VPS33A: variants seen among roughly 807,000 people sequenced by gnomAD.
VPS33A encodes vacuolar protein sorting-associated protein 33A.
VPS33A carries 32 observed loss-of-function variants against 71.8 expected under a neutral mutation model. The observed-to-expected ratio is 0.45, with a 90% CI of 0.34 to 0.60. VPS33A has a LOEUF of 0.60. Ranked by LOEUF, VPS33A falls within the 20% of genes least tolerant of loss-of-function variation. The pLI, the probability that VPS33A is intolerant of heterozygous loss-of-function variation, is 0.02. For missense variants in VPS33A, 625 were observed against 748.5 expected, an observed-to-expected ratio of 0.84 and a Z score of 1.92; for synonymous variants, 311 against 292.7, an observed-to-expected ratio of 1.06 and a Z score of -0.64.
rs565725789 is a variant in VPS33A at position 122,239,019 on chromosome 12, A to C, written c.1165-295T>G. Among the ~76,000 whole-genome samples, 420 of 138,156 alleles carry C rather than the reference A, an allele frequency of 3.0e-3. 2 individuals are homozygous for C. Among genetic ancestry groups the C allele is most frequent in the African/African-American group, 0.012 (392 of 32,824 alleles). The allele number at this position is 138,156 out of a possible 152,430, so 90.6% of individuals were successfully genotyped here. On this transcript the variant is annotated intron_variant, in intron 9 of 12. Coordinates refer to ENST00000267199, the MANE Select transcript of VPS33A (RefSeq NM_022916.6). ...CATACACACACACACACACACACACACACCCCCCAGTGATCAGGCCAAGTC... is the reference window on the plus strand; with the variant it reads ...CATACACACACACACACACACACACCCACCCCCCAGTGATCAGGCCAAGTC...
chr12:122,260,126 G>A (rs1440597681), intron 4 of VPS33A, among the ~76,000 whole-genome samples: 1 of 152,082 alleles, frequency 6.6e-6, no homozygotes. Context: ...GCTGAGGGAA[G>A]GAAAGATAGC....
At chr12:122,246,277 TC>T (rs1954774750) in intron 6 of VPS33A, among the ~76,000 whole-genome samples, 1 of 149,972 alleles carries the variant, frequency 6.7e-6, no homozygotes, top group South Asian at 2.1e-4. Context: ...GGAGGATCTC[TC>T]TCTCTCTCTT....
chr12:122,238,684 G>T lies in VPS33A; in HGVS notation c.1205C>A (p.Ser402Ter). The change falls in exon 10 of 13, where the codon TCG becomes TAG. Residue 402 changes from serine to a stop codon, truncating the protein, a stop_gained. Transcript: ENST00000267199. LOFTEE classifies it high-confidence loss of function. ...AACTAGTCTTAACACCTTGATCAAC[G>T]AGTGCTTTTGGGCGATACAATCCTC... Reference protein sequence around the residue: ...YIEDCIAQKHSLIKVLRLVCL... With the variant: ...YIEDCIAQKH The T allele has an allele frequency of 6.2e-7, 1 of 1,613,600 alleles. No homozygotes were observed. Among genetic ancestry groups the T allele is most frequent in the Non-Finnish European group, 8.5e-7 (1 of 1,179,944 alleles).
chr12:122,244,283 ATT>A (rs1165406692), intron 7 of VPS33A, among the ~76,000 whole-genome samples: 1 of 152,226 alleles, frequency 6.6e-6, no homozygotes, highest in Non-Finnish European at 1.5e-5. Flanking sequence ...GTAGGAAATA[ATT>A]TAAGACGATA....
rs57522920 is a variant in VPS33A at position 122,238,770 on chromosome 12, T to TACACACACACACACAC, written c.1165-62_1165-47dup. The TACACACACACACACAC allele has an allele frequency of 2.1e-4, 182 of 873,076 alleles. 1 individual carries two copies. In the African/African-American group the frequency reaches 2.5e-3, roughly 12 times the overall value. 54.1% of individuals were successfully genotyped at this position (873,076 alleles called of 1,614,324 possible). A position where few individuals can be genotyped will look rare whatever the true frequency, so the allele number is the denominator to read the frequency against. On this transcript the variant is annotated intron_variant, in intron 9 of 12. Transcript: ENST00000267199. ...ATATACATATACATTTACATATACA[T>TACACACACACACACAC]ACACACACACACACACACACACACA...
chr12:122,235,068 C>A (rs1223389464), intron 11 of VPS33A, among the ~76,000 whole-genome samples: 1 of 152,064 alleles, frequency 6.6e-6, no homozygotes, highest in Non-Finnish European at 1.5e-5. Flanking sequence ...CTGCAACCGC[C>A]TCCTGGGCTC....
chr12:122,234,916 C>T (rs987757395), intron 11 of VPS33A, among the ~76,000 whole-genome samples: 1 of 152,116 alleles, frequency 6.6e-6, no homozygotes, highest in African/African-American at 2.4e-5. Flanking sequence ...TCTAGAACAC[C>T]CCCCTCTCCT....
chr12:122,244,066 G>A (rs948373343), intron 7 of VPS33A, among the ~76,000 whole-genome samples: 1 of 152,090 alleles, frequency 6.6e-6, no homozygotes, highest in Admixed American at 6.6e-5. Context: ...ACTAGTGAAC[G>A]GGCAAGAGGA....
intron 2 of VPS33A, 148 bp downstream of exon 2, chr12:122,263,986 C>T (rs1296057655): frequency 1.4e-6 from 1 of 719,354 alleles, no homozygotes; most frequent in East Asian, 2.6e-5. Context: ...CCAATGGATA[C>T]AAAATGTTAA....
At chr12:122,249,613 C>T (rs1296334968) in intron 6 of VPS33A, 3 of 296,198 alleles carry the variant, frequency 1.0e-5, no homozygotes, top group African/African-American at 2.2e-5. Flanking sequence ...CTTATGCAAA[C>T]CTCACTGATC....
At chr12:122,265,743 A>G (rs1389867291) in intron 1 of VPS33A, 7 of 453,180 alleles carry the variant, frequency 1.5e-5, no homozygotes, top group African/African-American at 1.4e-4. Flanking sequence ...GATGAAGGAG[A>G]GGTGACACTG....
chr12:122,251,533 T>C (rs1954843518), intron 4 of VPS33A, among the ~76,000 whole-genome samples: 1 of 152,194 alleles, frequency 6.6e-6, no homozygotes, highest in South Asian at 2.1e-4. Flanking sequence ...GAATACTTTA[T>C]TGTTTTCAAA....
In VPS33A at chr12:122,232,387, A is replaced by G. The variant is rs760575057; in HGVS notation, c.1650T>C (p.Leu550=). ...GENRVTLIFF[L]GGVTFAEIAA... ...CAATTTCAGCGAAGGTTACGCCCCC[A>G]AGGAAAAATATCAGAGTCACTCGGT... Residue 550 remains leucine (L), a synonymous_variant, in exon 13 of 13, where the codon CTT becomes CTC. Transcript: ENST00000267199. 8.1e-6 allele frequency: 13 copies of G among 1,613,884 alleles called. No individual in the cohort carries two copies. The highest frequency in any genetic ancestry group is 3.3e-4 in the Middle Eastern group (2 of 6,060).
rs1954690953 is a variant in VPS33A at position 122,239,927 on chromosome 12, T to C, written c.1115A>G (p.Asp372Gly). Residue 372 changes from aspartate to glycine, a missense_variant, in exon 9 of 13, where the codon GAT becomes GGT. Asp to Gly is a moderately conservative substitution (Grantham distance 94). Transcript: ENST00000267199. ...KDVTTSEDFF[D>G]KLTVEQEFMS... ...AAACTCCTGTTCCACGGTTAATTTA[T>C]CAAAAAAGTCTTCAGAAGCTAAAAT... 6.2e-7 allele frequency: 1 copy of C among 1,613,572 alleles called. No individual in the cohort carries two copies. Among genetic ancestry groups the C allele is most frequent in the Non-Finnish European group, 8.5e-7 (1 of 1,179,756 alleles).
intron 11 of VPS33A, among the ~76,000 whole-genome samples, 171 bp downstream of exon 11, chr12:122,235,615 T>C (rs1954619633): frequency 6.6e-6 from 1 of 152,194 alleles, no homozygotes; most frequent in Non-Finnish European, 1.5e-5. Flanking sequence ...GCATTCTCTG[T>C]GTCCTTCTAG....
rs957236848 is a variant in VPS33A at position 122,265,839 on chromosome 12, G to A, written c.102+468C>T. 28 of 391,524 alleles carry A rather than the reference G, an allele frequency of 7.2e-5. No homozygotes were observed. The Admixed American group carries it at 7.7e-4, about 11-fold the overall frequency. 24.3% of individuals were successfully genotyped at this position (391,524 alleles called of 1,614,324 possible). A position where few individuals can be genotyped will look rare whatever the true frequency, so the allele number is the denominator to read the frequency against. On this transcript the variant is annotated intron_variant, in intron 1 of 12. Transcript: ENST00000267199. ...TACTAGAGAAGTTATACTGTTTTAG[G>A]AGGCCAGGTTAAAAGCCCAAATGAT...
intron 6 of VPS33A, among the ~76,000 whole-genome samples, chr12:122,245,809 C>T (rs1954769262): frequency 6.6e-6 from 1 of 152,156 alleles, no homozygotes; most frequent in Admixed American, 6.5e-5. Context: ...TTTGTATTGT[C>T]TATGGCTACT....
At chr12:122,244,541 G>A (rs776606492) in intron 7 of VPS33A, 28 bp downstream of exon 7, 3 of 1,565,390 alleles carry the variant, frequency 1.9e-6, no homozygotes, top group Non-Finnish European at 2.6e-6. Flanking sequence ...GCCTAGAGTT[G>A]CAGAATGACA....
At chr12:122,261,492 C>G in intron 3 of VPS33A, 45 bp from the exon 4 acceptor site, 7 of 1,593,658 alleles carry the variant, frequency 4.4e-6, no homozygotes, top group Non-Finnish European at 6.0e-6. Context: ...TCCTAAGAGT[C>G]ATGGACCATT....
Sources: gnomAD v4.1 joint callset for allele counts (sites outside exome capture counted in the v4.1 genomes callset) on GRCh38, gnomAD v4.1.1 for gene constraint, MANE v1.5 for transcripts, NCBI Gene and HGNC (gene_info 2026-07-23, HGNC 2026-07-21) for gene names.